Variants in ZNF148 observed in about 807,000 individuals in gnomAD.
ZNF148 encodes the protein Beta-Enolase Repressor Factor-1.
A neutral mutation model predicts 67.7 loss-of-function variants in ZNF148; 7 were observed. The observed-to-expected ratio is 0.10, with a 90% CI of 0.06 to 0.19. The LOEUF (loss-of-function observed/expected upper bound fraction) is 0.19, where lower values mean the gene tolerates loss of function less well. Ranked by LOEUF, ZNF148 falls within the 10% of genes least tolerant of loss-of-function variation. ZNF148 has a pLI of 1.00. For synonymous variants in ZNF148, 333 were observed against 330.7 expected, an observed-to-expected ratio of 1.01 and a Z score of -0.08; for missense variants, 583 against 947.1, an observed-to-expected ratio of 0.62 and a Z score of 5.05.
intron 7 of ZNF148, among the ~76,000 whole-genome samples, chr3:125,258,969 TTTTTA>T (rs1242221651): frequency 2.0e-5 from 3 of 152,214 alleles, no homozygotes; most frequent in East Asian, 3.8e-4. Context: ...ACCCTTTTAC[TTTTTA>T]TTTTATATTA....
intron 4 of ZNF148, among the ~76,000 whole-genome samples, chr3:125,307,209 G>C (rs1939926994): frequency 6.6e-6 from 1 of 152,126 alleles, no homozygotes; most frequent in Admixed American, 6.5e-5. Flanking sequence ...TTGAAAATCA[G>C]CATAATTCAC....
chr3:125,240,737 C>CT (rs1936312357), intron 7 of ZNF148, among the ~76,000 whole-genome samples: 1 of 149,976 alleles, frequency 6.7e-6, no homozygotes, highest in African/African-American at 2.5e-5. Context: ...GCATTCCAGC[C>CT]TGGGTGACAA....
intron 2 of ZNF148, among the ~76,000 whole-genome samples, chr3:125,323,999 G>A (rs976278677): frequency 6.6e-5 from 10 of 151,414 alleles, no homozygotes; most frequent in Non-Finnish European, 4.4e-5. Context: ...GCCTAGATGT[G>A]GAGTCTACAG....
chr3:125,330,465 CAAAAAAAAAAAAA>C (rs200643048), intron 2 of ZNF148, among the ~76,000 whole-genome samples: 2 of 118,486 alleles, frequency 1.7e-5, no homozygotes, highest in East Asian at 5.1e-4. Context: ...AACCCTATCT[CAAAAAAAAAAAAA>C]AAAAAAAAAA....
At position 125,227,058 on chromosome 3, in the gene ZNF148, A is replaced by G. The variant is rs1560095011; in HGVS notation, c.*5283T>C. ...GATTTCTTAGGGAGTTGAAGAAACA[A>G]CCTGCTGCAACCTTCCCAAGACACA... is the stretch of plus-strand genomic sequence containing the variant. On this transcript the variant is annotated 3_prime_UTR_variant, in exon 9 of 9. Coordinates refer to ENST00000360647, the MANE Select transcript of ZNF148 (RefSeq NM_021964.3). The G allele has an allele frequency of 6.6e-6, 1 of 152,114 alleles. No individual in the cohort carries two copies. Among genetic ancestry groups the G allele is most frequent in the Admixed American group, 6.6e-5 (1 of 15,262 alleles). 9.4% of individuals were successfully genotyped at this position (152,114 alleles called of 1,614,324 possible). A position where few individuals can be genotyped will look rare whatever the true frequency, so the allele number is the denominator to read the frequency against.
intron 4 of ZNF148, among the ~76,000 whole-genome samples, chr3:125,300,488 T>A (rs560390331): frequency 2.6e-5 from 4 of 152,152 alleles, no homozygotes; most frequent in Non-Finnish European, 4.4e-5. Context: ...AAAACAGAGG[T>A]CTTATACCAA....
At chr3:125,317,746 G>A (rs1166113973) in intron 3 of ZNF148, among the ~76,000 whole-genome samples, 1 of 145,988 alleles carries the variant, frequency 6.8e-6, no homozygotes, top group Admixed American at 6.9e-5. Flanking sequence ...AACTTACCTG[G>A]AATTTGGAAA....
chr3:125,361,170 CT>C, intron 1 of ZNF148, among the ~76,000 whole-genome samples: 1 of 152,110 alleles, frequency 6.6e-6, no homozygotes. Context: ...TCTTACCTGG[CT>C]TTTCCTGGAC....
chr3:125,369,884 G>A (rs1267662122), intron 1 of ZNF148, among the ~76,000 whole-genome samples: 6 of 132,388 alleles, frequency 4.5e-5, no homozygotes, highest in African/African-American at 9.1e-5. Flanking sequence ...GCTGAGGCAG[G>A]AGAATTGTTT....
rs59309462 is a variant in ZNF148 at position 125,255,236 on chromosome 3, C to CT, written c.668-20908dup. Among the ~76,000 whole-genome samples, 559 of 62,170 alleles carry CT rather than the reference C, an allele frequency of 9.0e-3. 105 individuals are homozygous for CT. The highest frequency in any genetic ancestry group is 0.012 in the African/African-American group (165 of 14,296). The allele number at this position is 62,170 out of a possible 152,430, so 40.8% of individuals were successfully genotyped here. Reference sequence around the variant, plus strand: ...TTTAGTGATTTAATGTCTCCACCTGCTTTTTTTTTTTTTTTTTTTTTTTTT... The same window carrying CT: ...TTTAGTGATTTAATGTCTCCACCTGCTTTTTTTTTTTTTTTTTTTTTTTTTT... On this transcript the variant is annotated intron_variant, in intron 7 of 8. Coordinates refer to ENST00000360647, the MANE Select transcript of ZNF148 (RefSeq NM_021964.3).
At chr3:125,271,428 AG>A (rs1937729330) in intron 7 of ZNF148, among the ~76,000 whole-genome samples, 1 of 152,262 alleles carries the variant, frequency 6.6e-6, no homozygotes, top group African/African-American at 2.4e-5. Context: ...GGCCAGGTTC[AG>A]TACTGGCTTT....
chr3:125,283,546 C>T (rs1372157822), intron 5 of ZNF148, among the ~76,000 whole-genome samples: 1 of 152,018 alleles, frequency 6.6e-6, no homozygotes, highest in African/African-American at 2.4e-5. Context: ...ACAATTTATA[C>T]AAGACACACA....
intron 4 of ZNF148, among the ~76,000 whole-genome samples, chr3:125,300,696 A>G (rs1939539415): frequency 1.3e-5 from 2 of 152,254 alleles, no homozygotes; most frequent in South Asian, 4.1e-4. Context: ...TTACATCATT[A>G]TGTGACTAGA....
chr3:125,281,798 C>T (rs1247935138), intron 5 of ZNF148, among the ~76,000 whole-genome samples: 1 of 152,152 alleles, frequency 6.6e-6, no homozygotes, highest in African/African-American at 2.4e-5. Flanking sequence ...AAGACAGAAA[C>T]ACCAAATTCT....
At chr3:125,344,125 A>G in intron 1 of ZNF148, 1 of 245,144 alleles carries the variant, frequency 4.1e-6, no homozygotes, top group Non-Finnish European at 8.1e-6. Context: ...CTGTATGGTT[A>G]AGGACTTTAA....
At chr3:125,240,303 G>C (rs1246794519) in intron 7 of ZNF148, among the ~76,000 whole-genome samples, 2 of 152,040 alleles carry the variant, frequency 1.3e-5, no homozygotes, top group African/African-American at 2.4e-5. Flanking sequence ...AGACCAGCCT[G>C]GCTAACATGG....
chr3:125,298,454 A>G (rs898162340), intron 4 of ZNF148, among the ~76,000 whole-genome samples: 4 of 151,974 alleles, frequency 2.6e-5, no homozygotes, highest in African/African-American at 9.7e-5. Flanking sequence ...TAAATAAATT[A>G]TGGCATATCC....
intron 7 of ZNF148, among the ~76,000 whole-genome samples, chr3:125,243,265 C>T (rs1456359849): frequency 6.6e-6 from 1 of 152,026 alleles, no homozygotes; most frequent in Non-Finnish European, 1.5e-5. Flanking sequence ...AGAGTGTTTT[C>T]TTCTGTTATA....
intron 1 of ZNF148, among the ~76,000 whole-genome samples, chr3:125,349,002 A>G (rs1452324631): frequency 6.6e-6 from 1 of 152,244 alleles, no homozygotes; most frequent in South Asian, 2.1e-4. Context: ...AGTCTCTTCA[A>G]TAAATGGTAC....
Sources: gnomAD v4.1 joint callset for allele counts (sites outside exome capture counted in the v4.1 genomes callset) on GRCh38, gnomAD v4.1.1 for gene constraint, MANE v1.5 for transcripts, NCBI Gene and HGNC (gene_info 2026-07-23, HGNC 2026-07-21) for gene names.